Variants in TRIO observed in about 807,000 individuals in gnomAD.
The protein encoded by TRIO is trio Rho guanine nucleotide exchange factor.
In TRIO, 58 loss-of-function variants were observed where a neutral mutation model predicts 351.9. The observed-to-expected ratio is 0.16, with a 90% CI of 0.13 to 0.21. TRIO has a LOEUF of 0.21. Among genes scored for constraint, TRIO ranks in the 10% least tolerant of loss-of-function variants. The pLI is 1.00. For missense variants in TRIO, 3,201 were observed against 4,027.8 expected, an observed-to-expected ratio of 0.79 and a Z score of 5.56; for synonymous variants, 1,758 against 1,595.7, an observed-to-expected ratio of 1.10 and a Z score of -2.42.
At chr5:14,178,313 T>C (rs2152134074) in intron 1 of TRIO, among the ~76,000 whole-genome samples, 1 of 152,290 alleles carries the variant, frequency 6.6e-6, no homozygotes, top group East Asian at 1.9e-4. Flanking sequence ...TGAATAATAT[T>C]CAAATTTACT....
At chr5:14,369,343 A>T in intron 17 of TRIO, 31 bp from the exon 18 acceptor site, 1 of 1,576,670 alleles carries the variant, frequency 6.3e-7, no homozygotes, top group Non-Finnish European at 8.6e-7. Flanking sequence ...GCAGATGCCA[A>T]GTCTGAGCCT....
At chr5:14,199,732 T>A (rs2078283579) in intron 1 of TRIO, among the ~76,000 whole-genome samples, 1 of 152,172 alleles carries the variant, frequency 6.6e-6, no homozygotes, top group African/African-American at 2.4e-5. Context: ...TGGCATTTAC[T>A]ACCAAAGCTT....
Position 14,269,236 on chromosome 5 carries a change from C to T in TRIO, c.158-1589C>T, listed in dbSNP as rs147269563. Among the ~76,000 whole-genome samples, 521 of 152,306 alleles carry T rather than the reference C, an allele frequency of 3.4e-3. 3 individuals carry two copies. Among genetic ancestry groups the T allele is most frequent in the Non-Finnish European group, 5.5e-3 (377 of 68,020 alleles). On this transcript the variant is annotated intron_variant, in intron 1 of 56. Transcript: ENST00000344204. ...TAGTTAAATCTCATTAAACTGGGTT[C>T]ATTATACACGTGGACGTATTCTATG...
chr5:14,380,411 C>T (rs1745995725), intron 20 of TRIO, among the ~76,000 whole-genome samples: 1 of 152,148 alleles, frequency 6.6e-6, no homozygotes, highest in Middle Eastern at 3.2e-3. Context: ...TTTCTCAGCC[C>T]CATCCTGTCG....
intron 9 of TRIO, among the ~76,000 whole-genome samples, chr5:14,328,264 A>G (rs950099690): frequency 6.6e-6 from 1 of 152,262 alleles, no homozygotes; most frequent in African/African-American, 2.4e-5. Flanking sequence ...AGTTAAAACA[A>G]TGCACTACTT....
chr5:14,266,593 T>C (rs2152266526), intron 1 of TRIO, among the ~76,000 whole-genome samples: 1 of 152,314 alleles, frequency 6.6e-6, no homozygotes, highest in East Asian at 1.9e-4. Flanking sequence ...GGTAACAGAA[T>C]TAATTTTGGC....
chr5:14,358,987 TA>T (rs1214819221), intron 12 of TRIO, among the ~76,000 whole-genome samples: 2 of 152,234 alleles, frequency 1.3e-5, no homozygotes, highest in Non-Finnish European at 2.9e-5. Flanking sequence ...TTGATTGCAT[TA>T]AAGGTTAACC....
At chr5:14,318,944 C>T (rs1739627811) in intron 9 of TRIO, among the ~76,000 whole-genome samples, 2 of 152,150 alleles carry the variant, frequency 1.3e-5, no homozygotes, top group African/African-American at 4.8e-5. Flanking sequence ...CCCCATTTCT[C>T]ATGGCTCTTC....
intron 1 of TRIO, among the ~76,000 whole-genome samples, chr5:14,201,944 A>G (rs1791136794): frequency 7.5e-6 from 1 of 132,630 alleles, no homozygotes; most frequent in South Asian, 2.5e-4. Context: ...CAGAAAGGGG[A>G]ACATCACACA....
At chr5:14,359,565 T>C (rs1743947273) in intron 13 of TRIO, 34 bp downstream of exon 13, 1 of 1,604,564 alleles carries the variant, frequency 6.2e-7, no homozygotes. Context: ...TGCCTGCCTG[T>C]GGGAGCCCTT....
chr5:14,258,023 G>A (rs1283474202), intron 1 of TRIO, among the ~76,000 whole-genome samples: 1 of 152,138 alleles, frequency 6.6e-6, no homozygotes, highest in Non-Finnish European at 1.5e-5. Context: ...GGAGAGACTA[G>A]GTAACTGCCC....
Position 14,336,644 on chromosome 5 carries a change from C to G in TRIO, c.1963C>G (p.Arg655Gly). Reference protein sequence around the residue: ...IYQAAHQLEDRIQDFVRRVEQ... With the variant: ...IYQAAHQLEDGIQDFVRRVEQ... ...TCAGGCTGCCCATCAGCTGGAAGAC[C>G]GGATTCAAGATTTCGTTCGGCGTGT... The change falls in exon 11 of 57, where the codon CGG becomes GGG. Residue 655 changes from arginine (R) to glycine (G), a missense_variant. Physicochemically the swap from Arg to Gly is moderately radical, Grantham distance 125. Coordinates refer to ENST00000344204, the MANE Select transcript of TRIO (RefSeq NM_007118.4). The G allele has an allele frequency of 6.2e-7, 1 of 1,614,200 alleles. No individual in the cohort carries two copies. The highest frequency in any genetic ancestry group is 8.5e-7 in the Non-Finnish European group (1 of 1,180,040).
Position 14,453,761 on chromosome 5 carries a change from G to A in TRIO, c.5204-7258G>A, listed in dbSNP as rs575313917. On this transcript the variant is annotated intron_variant, in intron 34 of 56. Transcript: ENST00000344204. ...AGCGGGTTTCCCCAGGCTGGAAAGG[G>A]GGAAGCACATTCCCAAACCAGGCTT... 2.6e-5 allele frequency among the ~76,000 whole-genome samples: 4 copies of A among 152,248 alleles called. No homozygotes were observed. The South Asian group carries it at 6.2e-4, about 24-fold the overall frequency.
intron 1 of TRIO, among the ~76,000 whole-genome samples, chr5:14,191,221 G>C (rs1159631319): frequency 1.3e-5 from 2 of 152,140 alleles, no homozygotes; most frequent in African/African-American, 4.8e-5. Flanking sequence ...TGACCTAGTT[G>C]GAGTACGTAT....
chr5:14,291,113 C>T lies in TRIO; in HGVS notation c.938C>T (p.Thr313Ile), dbSNP rs757656465. The change falls in exon 5 of 57, where the codon ACC becomes ATC. Residue 313 changes from threonine to isoleucine, a missense_variant. Coordinates refer to ENST00000344204, the MANE Select transcript of TRIO (RefSeq NM_007118.4). Reference protein sequence around the residue: ...DLQNLLPKVSTMLDRLHSTRQ... With the variant: ...DLQNLLPKVSIMLDRLHSTRQ... The stretch of plus-strand genomic sequence containing the variant: ...CAGAACCTCTTGCCCAAGGTGTCCA[C>T]CATGCTGGACCGGCTGCACTCGACA... The T allele has an allele frequency of 8.1e-6, 13 of 1,614,192 alleles. No individual in the cohort carries two copies. The South Asian group carries it at 1.3e-4, about 16-fold the overall frequency.
chr5:14,282,722 C>T (rs1382241449), intron 3 of TRIO, among the ~76,000 whole-genome samples: 2 of 152,092 alleles, frequency 1.3e-5, no homozygotes, highest in East Asian at 3.9e-4. Flanking sequence ...TATTTTATAA[C>T]AAATCCCAAA....
At chr5:14,375,532 T>C (rs1745478214) in intron 19 of TRIO, among the ~76,000 whole-genome samples, 1 of 152,252 alleles carries the variant, frequency 6.6e-6, no homozygotes, top group South Asian at 2.1e-4. Context: ...AGAAGTGTTC[T>C]GTTTCCCTCA....
intron 10 of TRIO, among the ~76,000 whole-genome samples, chr5:14,335,621 C>T (rs1741330306): frequency 6.6e-6 from 1 of 152,186 alleles, no homozygotes; most frequent in Non-Finnish European, 1.5e-5. Context: ...ACTTTGAGCT[C>T]TTTAAAACTC....
intron 11 of TRIO, among the ~76,000 whole-genome samples, chr5:14,354,316 C>T (rs189975454): frequency 6.6e-6 from 1 of 152,158 alleles, no homozygotes. Context: ...TTTAAAAAAG[C>T]GTTTTTGTTT....
Sources: gnomAD v4.1 joint callset for allele counts (sites outside exome capture counted in the v4.1 genomes callset) on GRCh38, gnomAD v4.1.1 for gene constraint, MANE v1.5 for transcripts, NCBI Gene and HGNC (gene_info 2026-07-23, HGNC 2026-07-21) for gene names.